Variants in SVEP1 observed in about 807,000 individuals in gnomAD.
SVEP1 encodes the protein sushi, von Willebrand factor type A, EGF and pentraxin domain-containing protein 1.
In SVEP1, 164 loss-of-function variants were observed where a neutral mutation model predicts 367.3. That is an observed-to-expected ratio of 0.45 (90% confidence interval 0.39 to 0.51). The LOEUF is 0.51. SVEP1 is among the 20% of genes least tolerant of loss of function. The probability of loss-of-function intolerance (pLI) is 0.00; values close to 1 mark genes in which losing one functional copy is unlikely to be tolerated. For synonymous variants in SVEP1, 1,666 were observed against 1,611.6 expected (o/e 1.03, Z -0.81); for missense variants, 4,117 against 4,425.3 (o/e 0.93, Z 1.98).
intron 40 of SVEP1, among the ~76,000 whole-genome samples, chr9:110,390,977 T>G (rs913699757): frequency 6.6e-6 from 1 of 152,160 alleles, no homozygotes; most frequent in African/African-American, 2.4e-5. Flanking sequence ...TGAAGCAAAT[T>G]CTAGACTTCA....
At chr9:110,513,861 T>C (rs1339736886) in intron 4 of SVEP1, 87 bp downstream of exon 4, 1 of 1,409,016 alleles carries the variant, frequency 7.1e-7, no homozygotes, top group Non-Finnish European at 9.5e-7. Context: ...AAGATCATTC[T>C]AAATGAATTA....
chr9:110,432,521 T>C lies in SVEP1; in HGVS notation c.5174A>G (p.Asp1725Gly). 1 of 1,613,806 alleles carries C rather than the reference T, an allele frequency of 6.2e-7. No homozygotes were observed. The highest frequency in any genetic ancestry group is 2.2e-5 in the East Asian group (1 of 44,866). ...QCNNGYYLLG[D>G]SRMFCTDNGS... Reference sequence around the variant, plus strand: ...ATTATCTGTACAGAACATCCTTGAGTCACCCAATAGATAGTAGCCATTGTT... The same window carrying C: ...ATTATCTGTACAGAACATCCTTGAGCCACCCAATAGATAGTAGCCATTGTT... The change falls in exon 31 of 48, where the codon GAC becomes GGC. Residue 1725 changes from aspartate (D) to glycine (G), a missense_variant. Asp to Gly is a moderately conservative substitution (Grantham distance 94). Coordinates refer to ENST00000374469, the MANE Select transcript of SVEP1 (RefSeq NM_153366.4).
rs1241471494 is a variant in SVEP1, at chr9:110,408,102, T to G, written c.7498A>C (p.Lys2500Gln). 1.2e-6 allele frequency: 2 copies of G among 1,613,808 alleles called. No homozygotes were observed. The highest frequency in any genetic ancestry group is 2.7e-5 in the African/African-American group (2 of 74,934). The change falls in exon 38 of 48, where the codon AAA (lysine) becomes CAA (glutamine). Residue 2500 changes from lysine (K) to glutamine (Q), a missense_variant. This residue lies in a region of SVEP1 where 1,765 missense variants were observed against 1,781.1 expected (regional missense o/e 0.99). Coordinates refer to ENST00000374469, the MANE Select transcript of SVEP1 (RefSeq NM_153366.4). ...KPTCKAIECLKPKEILNGKFS... is the reference protein window; with the variant it reads ...KPTCKAIECLQPKEILNGKFS... The stretch of plus-strand genomic sequence containing the variant: ...TTGCCATTCAAAATCTCCTTGGGTT[T>G]CAGGCACTCAATGGCTTTACATGTT...
In SVEP1 at chr9:110,497,984, G is replaced by A. The variant is rs949955365; in HGVS notation, c.1682-1051C>T. 2.7e-3 allele frequency among the ~76,000 whole-genome samples: 413 copies of A among 152,102 alleles called. 1 individual carries two copies. Among genetic ancestry groups the A allele is most frequent in the Non-Finnish European group, 4.9e-3 (332 of 67,998 alleles). ...TTAACTCTGAAAAAATTTTTAAAAA[G>A]TATTTGATTTTTCATTCATGCTTAA... On this transcript the variant is annotated intron_variant, in intron 7 of 47. Coordinates refer to ENST00000374469, the MANE Select transcript of SVEP1 (RefSeq NM_153366.4).
intron 1 of SVEP1, among the ~76,000 whole-genome samples, chr9:110,554,237 G>C (rs1830327702): frequency 3.3e-5 from 5 of 151,734 alleles, no homozygotes; most frequent in Admixed American, 3.3e-4. Context: ...AAATGTTTGT[G>C]GTTAACTTTG....
chr9:110,519,123 T>C (rs1829844380), intron 3 of SVEP1, among the ~76,000 whole-genome samples: 1 of 152,202 alleles, frequency 6.6e-6, no homozygotes, highest in Non-Finnish European at 1.5e-5. Context: ...TTCATTTCTC[T>C]GTGACTTGGT....
At chr9:110,401,366 C>T (rs1827858330) in intron 39 of SVEP1, among the ~76,000 whole-genome samples, 1 of 151,902 alleles carries the variant, frequency 6.6e-6, no homozygotes, top group African/African-American at 2.4e-5. Flanking sequence ...CTAATGCACT[C>T]TTAAATTTCA....
rs1827423431 is a variant in SVEP1, at chr9:110,380,886, A to C, written c.10238-1369T>G. 2.0e-5 allele frequency among the ~76,000 whole-genome samples: 3 copies of C among 152,200 alleles called. No individual in the cohort carries two copies. The South Asian group carries it at 6.2e-4, about 31-fold the overall frequency. On this transcript the variant is annotated intron_variant, in intron 43 of 47. Coordinates refer to ENST00000374469, the MANE Select transcript of SVEP1 (RefSeq NM_153366.4). ...TTCAGAACTAGTTATTGGTCTATTC[A>C]GGGATTCAGCTTTTTCCTGGTTCAG...
chr9:110,376,485 T>A (rs1437226288), intron 45 of SVEP1, among the ~76,000 whole-genome samples: 1 of 152,220 alleles, frequency 6.6e-6, no homozygotes, highest in Non-Finnish European at 1.5e-5. Context: ...GCAGCCTAAA[T>A]TTATTTCCAT....
At chr9:110,447,629 G>A (rs1016196481) in intron 24 of SVEP1, among the ~76,000 whole-genome samples, 23 of 152,176 alleles carry the variant, frequency 1.5e-4, no homozygotes, top group African/African-American at 4.3e-4. Flanking sequence ...GTCAAATGTT[G>A]ACAAGAGTGT....
At chr9:110,504,506 A>G (rs967170355) in intron 5 of SVEP1, among the ~76,000 whole-genome samples, 2 of 152,232 alleles carry the variant, frequency 1.3e-5, no homozygotes, top group African/African-American at 2.4e-5. Flanking sequence ...GTGGGAACAT[A>G]TCATGCACCA....
intron 14 of SVEP1, among the ~76,000 whole-genome samples, chr9:110,473,445 T>TAC (rs2118677270): frequency 7.2e-6 from 1 of 138,106 alleles, no homozygotes; most frequent in East Asian, 2.0e-4. Context: ...TGTGCATACA[T>TAC]ACATATACAT....
rs1827965507 is a variant in SVEP1, at chr9:110,406,980, G to A, written c.8620C>T (p.Leu2874Phe). Residue 2874 changes from leucine (L) to phenylalanine (F), a missense_variant, in exon 38 of 48, where the codon CTT becomes TTT. Leu to Phe is a conservative substitution (Grantham distance 22). Around this residue, in one of 4 missense-constraint regions of SVEP1, gnomAD observed 1,765 missense variants for 1,781.1 expected, o/e 0.99. Transcript: ENST00000374469. ...LLEGARSRVC[L>F]ANGSWSGATP... Reference sequence around the variant, plus strand: ...GCTCCACTCCAACTTCCATTGGCAAGACAAACCCGACTCCTGGCTCCCTCA... The same window carrying A: ...GCTCCACTCCAACTTCCATTGGCAAAACAAACCCGACTCCTGGCTCCCTCA... The A allele has an allele frequency of 6.2e-7, 1 of 1,613,850 alleles. No homozygotes were observed. The highest frequency in any genetic ancestry group is 1.3e-5 in the African/African-American group (1 of 74,910).
intron 14 of SVEP1, among the ~76,000 whole-genome samples, chr9:110,473,910 T>G (rs960058587): frequency 1.3e-5 from 2 of 152,250 alleles, no homozygotes; most frequent in African/African-American, 4.8e-5. Flanking sequence ...ATACAATGTA[T>G]GAATATGATT....
At chr9:110,433,241 C>T (rs1828379134) in intron 30 of SVEP1, among the ~76,000 whole-genome samples, 1 of 151,642 alleles carries the variant, frequency 6.6e-6, no homozygotes, top group Admixed American at 6.6e-5. Flanking sequence ...TCAGGTATTT[C>T]TTTATAGCAA....
At chr9:110,497,066 A>C (rs915701444) in intron 7 of SVEP1, 133 bp from the exon 8 acceptor site, 20 of 559,850 alleles carry the variant, frequency 3.6e-5, no homozygotes, top group Non-Finnish European at 6.1e-5. Flanking sequence ...ATTGTTCGGA[A>C]TCTGCACCCA....
chr9:110,407,324 T>G lies in SVEP1; in HGVS notation c.8276A>C (p.Glu2759Ala), dbSNP rs1827971086. Residue 2759 changes from glutamate (E) to alanine (A), a missense_variant, in exon 38 of 48, where the codon GAG becomes GCG. Coordinates refer to ENST00000374469, the MANE Select transcript of SVEP1 (RefSeq NM_153366.4). The part of the protein sequence containing the change: ...LAGSDLRLCL[E>A]NRKWSGASPR... ...GGAGGCACCACTCCACTTTCTATTC[T>G]CTAGACAAAGCCTTAAGTCAGAGCC... 2 of 1,613,866 alleles carry G rather than the reference T, an allele frequency of 1.2e-6. No individual in the cohort carries two copies. Among genetic ancestry groups the G allele is most frequent in the Non-Finnish European group, 1.7e-6 (2 of 1,179,890 alleles).
chr9:110,429,313 C>T lies in SVEP1; in HGVS notation c.5637G>A (p.Leu1879=). The stretch of plus-strand genomic sequence containing the variant: ...GACAGGATGATTCTTTATCACCGGC[C>T]AGAGTATATCCTTTATTACACCTAA... ...VTYRCNKGYT[L]AGDKESSCLA... The change falls in exon 35 of 48, where the codon CTG becomes CTA. Residue 1879 remains leucine, a synonymous_variant. Coordinates refer to ENST00000374469, the MANE Select transcript of SVEP1 (RefSeq NM_153366.4). 6.3e-7 allele frequency: 1 copy of T among 1,578,670 alleles called. No individual in the cohort carries two copies. Among genetic ancestry groups the T allele is most frequent in the Non-Finnish European group, 8.6e-7 (1 of 1,162,784 alleles).
intron 3 of SVEP1, among the ~76,000 whole-genome samples, chr9:110,521,178 C>T (rs1020775856): frequency 6.6e-6 from 1 of 152,176 alleles, no homozygotes; most frequent in Non-Finnish European, 1.5e-5. Context: ...CATATAGGGA[C>T]TTTCTTTTTA....
Sources: allele counts gnomAD v4.1 joint callset (sites outside exome capture counted in the v4.1 genomes callset), GRCh38; gene constraint gnomAD v4.1.1; regional missense constraint gnomAD v4.1.1; transcripts MANE v1.5; gene names NCBI Gene and HGNC (gene_info 2026-07-23, HGNC 2026-07-21).